RAMP1: variants seen among roughly 807,000 people sequenced by gnomAD.
RAMP1 encodes receptor activity modifying protein 1.
In RAMP1, 7 loss-of-function variants were observed where a neutral mutation model predicts 8.2. That is an observed-to-expected ratio of 0.85 (90% CI 0.49 to 1.60). The LOEUF is 1.60. Among genes scored for constraint, RAMP1 ranks in the 40% most tolerant of loss-of-function variants. The probability of loss-of-function intolerance (pLI) is 0.00; values close to 1 mark genes in which losing one functional copy is unlikely to be tolerated. For synonymous variants in RAMP1, 92 were observed against 84.7 expected (o/e 1.09, Z -0.47); for missense variants, 192 against 202.4 (o/e 0.95, Z 0.31).
intron 2 of RAMP1, among the ~76,000 whole-genome samples, chr2:237,884,879 C>T (rs1435984685): frequency 1.3e-5 from 2 of 152,264 alleles, no homozygotes; most frequent in African/African-American, 4.8e-5. Flanking sequence ...GGCCCTCCCC[C>T]AGCCCAAGGA....
At chr2:237,899,105 C>CT (rs1158977454) in intron 2 of RAMP1, among the ~76,000 whole-genome samples, 1 of 151,214 alleles carries the variant, frequency 6.6e-6, no homozygotes, top group Non-Finnish European at 1.5e-5. Context: ...GGGTCACACT[C>CT]TGTCACCCAT....
Position 237,879,502 on chromosome 2 carries a change from T to G in RAMP1, c.191+2140T>G, listed in dbSNP as rs115697715. Among the ~76,000 whole-genome samples, 1,332 of 148,758 alleles carry G rather than the reference T, an allele frequency of 9.0e-3. 24 individuals are homozygous for G. Among genetic ancestry groups the G allele is most frequent in the African/African-American group, 0.031 (1,223 of 39,862 alleles). On this transcript the variant is annotated intron_variant, in intron 2 of 2. Coordinates refer to ENST00000254661, the MANE Select transcript of RAMP1 (RefSeq NM_005855.4). ...TTCGTTTTTTTATTATTATTATTAT[T>G]ATGATACTTTAAGTTCTAGGGCACA...
chr2:237,871,595 C>T (rs1372815640), intron 1 of RAMP1, among the ~76,000 whole-genome samples: 3 of 152,122 alleles, frequency 2.0e-5, no homozygotes, highest in Non-Finnish European at 4.4e-5. Context: ...CCTCCACCGC[C>T]CCCCGACCCC....
rs573098443 is a variant in RAMP1, at chr2:237,911,907, A to C, written c.*124A>C. The C allele has an allele frequency of 2.0e-5, 28 of 1,401,604 alleles. No homozygotes were observed. The African/African-American group carries it at 3.3e-4, about 17-fold the overall frequency. The allele number at this position is 1,401,604 out of a possible 1,614,324, so 86.8% of individuals were successfully genotyped here. A position where few individuals can be genotyped will look rare whatever the true frequency, so the allele number is the denominator to read the frequency against. On this transcript the variant is annotated 3_prime_UTR_variant, in exon 3 of 3. Transcript: ENST00000254661. ...CACAATGCCCCCCTTCTTCCAGCCA[A>C]GAAGAGCTCACAGGAGTCCAGAGTA...
intron 1 of RAMP1, among the ~76,000 whole-genome samples, chr2:237,867,293 G>T (rs2062197144): frequency 6.6e-6 from 1 of 151,912 alleles, no homozygotes; most frequent in African/African-American, 2.4e-5. Flanking sequence ...TCATCCTAAG[G>T]TCTTCATGTT....
At chr2:237,904,273 C>G (rs1205355573) in intron 2 of RAMP1, among the ~76,000 whole-genome samples, 3 of 148,610 alleles carry the variant, frequency 2.0e-5, no homozygotes, top group Non-Finnish European at 4.5e-5. Flanking sequence ...AAAAAAATAG[C>G]CAGGGCGTGG....
rs73092591 is a variant in RAMP1 at position 237,884,903 on chromosome 2, C to T, written c.191+7541C>T. Among the ~76,000 whole-genome samples, 514 of 152,346 alleles carry T rather than the reference C, an allele frequency of 3.4e-3. 4 individuals are homozygous for T. Among genetic ancestry groups the T allele is most frequent in the African/African-American group, 0.011 (463 of 41,586 alleles). On this transcript the variant is annotated intron_variant, in intron 2 of 2. Transcript: ENST00000254661. ...CCAGCCCAAGGAGCTGCTCAGAGGA[C>T]GGGGCTCCAGGCCCCAGGGAGTGGG...
rs547775868 is a variant in RAMP1, at chr2:237,865,237, A to G, written c.52+5510A>G. ...CAGCACCTGGCAGAGCTCCTGGGGG[A>G]GTAGGGAGGGCAGGGCAGGGGAGAA... is the stretch of plus-strand genomic sequence containing the variant. On this transcript the variant is annotated intron_variant, in intron 1 of 2. Transcript: ENST00000254661. The surrounding 1 kb of genome is among the most constrained non-coding windows in gnomAD (Gnocchi z 4.2). 1.5e-5 allele frequency among the ~76,000 whole-genome samples: 2 copies of G among 134,998 alleles called. No individual in the cohort carries two copies. The highest frequency in any genetic ancestry group is 5.4e-5 in the African/African-American group (2 of 36,794). The allele number at this position is 134,998 out of a possible 152,430, so 88.6% of individuals were successfully genotyped here.
chr2:237,911,850 G>A lies in RAMP1; in HGVS notation c.*67G>A, dbSNP rs1206314697. ...TGAGGCCAGGCAGGCCTGGGTAGGG[G>A]CAGCTTCTGGAGCCTTGGGACAGAG... On this transcript the variant is annotated 3_prime_UTR_variant, in exon 3 of 3. Coordinates refer to ENST00000254661, the MANE Select transcript of RAMP1 (RefSeq NM_005855.4). 6 of 1,517,210 alleles carry A rather than the reference G, an allele frequency of 4.0e-6. No homozygotes were observed. The African/African-American group carries it at 6.9e-5, about 17-fold the overall frequency. The allele number at this position is 1,517,210 out of a possible 1,614,324, so 94.0% of individuals were successfully genotyped here. A position where few individuals can be genotyped will look rare whatever the true frequency, so the allele number is the denominator to read the frequency against.
Position 237,878,922 on chromosome 2 carries a change from C to T in RAMP1, c.191+1560C>T, listed in dbSNP as rs1280112326. ...CCAGCCTCAAAGGCCCCTGATAAGA[C>T]ACAGTGAACCAGGGAGCCCACCCCA... is the stretch of plus-strand genomic sequence containing the variant. On this transcript the variant is annotated intron_variant, in intron 2 of 2. Coordinates refer to ENST00000254661, the MANE Select transcript of RAMP1 (RefSeq NM_005855.4). This position sits in a 1 kb window ranked among gnomAD's most constrained non-coding sequence, Gnocchi z 5.7. Among the ~76,000 whole-genome samples the T allele has an allele frequency of 6.6e-6, 1 of 152,244 alleles. No homozygotes were observed. Among genetic ancestry groups the T allele is most frequent in the Non-Finnish European group, 1.5e-5 (1 of 68,040 alleles).
intron 2 of RAMP1, among the ~76,000 whole-genome samples, chr2:237,907,959 G>C (rs1017539587): frequency 6.6e-4 from 101 of 152,360 alleles, no homozygotes; most frequent in African/African-American, 2.3e-3. Flanking sequence ...TCTTCTGTCA[G>C]ACCGTTAGTG....
chr2:237,891,788 A>T (rs1559947812), intron 2 of RAMP1, among the ~76,000 whole-genome samples: 2 of 152,158 alleles, frequency 1.3e-5, no homozygotes, highest in African/African-American at 4.8e-5. Context: ...TGAATTTCTT[A>T]TGTAGTTGAT....
intron 2 of RAMP1, among the ~76,000 whole-genome samples, chr2:237,910,658 G>A (rs2062702668): frequency 6.9e-6 from 1 of 144,652 alleles, no homozygotes; most frequent in African/African-American, 2.5e-5. Context: ...TACACACACA[G>A]TCACACACAG....
chr2:237,864,990 A>G (rs2062172338), intron 1 of RAMP1, among the ~76,000 whole-genome samples: 1 of 152,166 alleles, frequency 6.6e-6, no homozygotes, highest in Non-Finnish European at 1.5e-5. Context: ...AAGCATTCAG[A>G]TCTCATTCCT....
At chr2:237,910,013 C>T (rs976010947) in intron 2 of RAMP1, among the ~76,000 whole-genome samples, 1 of 152,144 alleles carries the variant, frequency 6.6e-6, no homozygotes, top group African/African-American at 2.4e-5. Flanking sequence ...TGGCTCGGCA[C>T]GGCCACCTCC....
intron 1 of RAMP1, among the ~76,000 whole-genome samples, chr2:237,870,818 G>A (rs192813172): frequency 1.3e-5 from 2 of 152,284 alleles, no homozygotes; most frequent in East Asian, 3.9e-4. Context: ...GTGAGGACTC[G>A]GAAGGGCCTG....
At chr2:237,863,755 G>A (rs1410685770) in intron 1 of RAMP1, among the ~76,000 whole-genome samples, 1 of 151,582 alleles carries the variant, frequency 6.6e-6, no homozygotes, top group Non-Finnish European at 1.5e-5. Context: ...CAGGCCCCCC[G>A]ACTCTACGTT....
intron 2 of RAMP1, among the ~76,000 whole-genome samples, chr2:237,887,788 C>T (rs957373076): frequency 1.3e-5 from 2 of 152,140 alleles, no homozygotes; most frequent in African/African-American, 4.8e-5. Context: ...AAAATGTAAA[C>T]ATTAGCTGAG....
At chr2:237,872,196 G>A (rs1004343818) in intron 1 of RAMP1, among the ~76,000 whole-genome samples, 1 of 152,210 alleles carries the variant, frequency 6.6e-6, no homozygotes, top group Non-Finnish European at 1.5e-5. Context: ...GCCAAGGAGG[G>A]CCTGGCACGG....
Sources: allele counts gnomAD v4.1 joint callset (sites outside exome capture counted in the v4.1 genomes callset), GRCh38; gene constraint gnomAD v4.1.1; non-coding constraint Gnocchi (gnomAD v3.1); transcripts MANE v1.5; gene names NCBI Gene and HGNC (gene_info 2026-07-23, HGNC 2026-07-21).